DNAH9: variants seen among roughly 807,000 people sequenced by gnomAD.
The protein encoded by DNAH9 is DNAH9 variant protein.
A neutral mutation model predicts 471.6 loss-of-function variants in DNAH9; 345 were observed. The ratio of observed to expected loss-of-function variants is 0.73; its 90% CI spans 0.67 to 0.80. The LOEUF is 0.80. Ranked by LOEUF, DNAH9 falls within the 30% of genes least tolerant of loss-of-function variation. The probability of loss-of-function intolerance (pLI) is 0.00; values close to 1 mark genes in which losing one functional copy is unlikely to be tolerated. For synonymous variants in DNAH9, 2,093 were observed against 2,123.6 expected (o/e 0.99, Z 0.40); for missense variants, 5,407 against 5,609.2 (o/e 0.96, Z 1.15).
chr17:11,785,708 A>G (rs1036863598), intron 41 of DNAH9, among the ~76,000 whole-genome samples: 1 of 152,220 alleles, frequency 6.6e-6, no homozygotes, highest in African/African-American at 2.4e-5. Context: ...TTTAAAAATT[A>G]AAAACAAACA....
rs544888319 is a variant in DNAH9, at chr17:11,798,276, T to TA, written c.8420+490dup. ...TGAAACCCCATCTCTACTAAAAATA[T>TA]AAAAAAATTAGCCAGGCGTGGTGGC... is the stretch of plus-strand genomic sequence containing the variant. On this transcript the variant is annotated intron_variant, in intron 43 of 68. Coordinates refer to ENST00000262442, the MANE Select transcript of DNAH9 (RefSeq NM_001372.4). 1.2e-3 allele frequency among the ~76,000 whole-genome samples: 182 copies of TA among 150,856 alleles called. 1 individual carries two copies. The highest frequency in any genetic ancestry group is 4.3e-3 in the African/African-American group (175 of 41,124).
At chr17:11,818,593 G>A (rs1970194828) in intron 45 of DNAH9, among the ~76,000 whole-genome samples, 1 of 152,058 alleles carries the variant, frequency 6.6e-6, no homozygotes, top group Admixed American at 6.6e-5. Context: ...CATCATGTTG[G>A]TGGAAAACAA....
At chr17:11,855,717 A>G (rs1289020397) in intron 50 of DNAH9, among the ~76,000 whole-genome samples, 2 of 152,200 alleles carry the variant, frequency 1.3e-5, no homozygotes, top group Admixed American at 6.5e-5. Flanking sequence ...TTACTTTCAT[A>G]TGCTTGAACT....
At chr17:11,935,404 C>T (rs1974674724) in intron 65 of DNAH9, among the ~76,000 whole-genome samples, 1 of 147,156 alleles carries the variant, frequency 6.8e-6, no homozygotes, top group African/African-American at 2.5e-5. Flanking sequence ...AAGACGGAGT[C>T]TCACTCTGTC....
chr17:11,877,520 T>TTGAAGCTGG (rs1179100078), intron 53 of DNAH9, among the ~76,000 whole-genome samples: 1 of 148,418 alleles, frequency 6.7e-6, no homozygotes, highest in African/African-American at 2.5e-5. Context: ...GTGGCAGTAT[T>TTGAAGCTGG]TGAAGCTGGG....
chr17:11,724,752 A>G (rs1171011741), intron 27 of DNAH9, among the ~76,000 whole-genome samples: 2 of 152,220 alleles, frequency 1.3e-5, no homozygotes, highest in Non-Finnish European at 2.9e-5. Flanking sequence ...TTCATGGAAG[A>G]CTATTTTTCC....
chr17:11,728,081 G>A, intron 28 of DNAH9, 159 bp downstream of exon 28: 1 of 604,634 alleles, frequency 1.7e-6, no homozygotes, highest in Non-Finnish European at 3.0e-6. Context: ...CTCCAGGGAA[G>A]CTGTCCTCCA....
In DNAH9 at chr17:11,679,820, AG is replaced by A; in HGVS notation, c.3419del (p.Gly1140GlufsTer30). ...ESGLLKKVEK[G>X]DFQGLVEIMG... ...GCGGCTTACTCAAGAAAGTTGAAAA[AG>A]GAGATTTCCAAGGCTTGGTTGAGAT... On this transcript the variant is annotated frameshift_variant, in exon 18 of 69. Transcript: ENST00000262442. LOFTEE classifies it high-confidence loss of function. The A allele has an allele frequency of 6.2e-7, 1 of 1,614,164 alleles. No homozygotes were observed. The highest frequency in any genetic ancestry group is 8.5e-7 in the Non-Finnish European group (1 of 1,180,028).
chr17:11,914,798 A>G (rs565555856), intron 61 of DNAH9, among the ~76,000 whole-genome samples: 2 of 152,328 alleles, frequency 1.3e-5, no homozygotes, highest in South Asian at 2.1e-4. Flanking sequence ...CTGAAATTTC[A>G]TAAGCTGTGC....
chr17:11,881,442 C>T, intron 55 of DNAH9, 29 bp downstream of exon 55: 1 of 1,597,344 alleles, frequency 6.3e-7, no homozygotes, highest in Non-Finnish European at 8.5e-7. Context: ...AAATGTTCTG[C>T]CACTAGAGCC....
chr17:11,940,292 T>C (rs1974859554), intron 66 of DNAH9, among the ~76,000 whole-genome samples: 1 of 152,106 alleles, frequency 6.6e-6, no homozygotes, highest in South Asian at 2.1e-4. Context: ...GCCCTCTCCC[T>C]CCTCAGGCCC....
At chr17:11,913,254 G>C (rs377378351) in intron 61 of DNAH9, among the ~76,000 whole-genome samples, 2 of 152,098 alleles carry the variant, frequency 1.3e-5, no homozygotes, top group South Asian at 4.1e-4. Context: ...CTGGGCCTGA[G>C]TTTTTTTGAG....
intron 29 of DNAH9, among the ~76,000 whole-genome samples, chr17:11,740,327 G>A (rs922082284): frequency 2.6e-5 from 4 of 152,112 alleles, no homozygotes; most frequent in African/African-American, 9.7e-5. Flanking sequence ...ACTGCAGACT[G>A]GGCGGCCTAA....
chr17:11,965,444 T>G (rs1399549806), intron 68 of DNAH9, among the ~76,000 whole-genome samples: 3 of 152,184 alleles, frequency 2.0e-5, no homozygotes, highest in Non-Finnish European at 4.4e-5. Flanking sequence ...AATATAGACT[T>G]TACAGAATCA....
chr17:11,775,048 GACA>G (rs969496970), intron 38 of DNAH9, among the ~76,000 whole-genome samples: 19 of 152,228 alleles, frequency 1.2e-4, no homozygotes, highest in African/African-American at 4.1e-4. Context: ...CCCTGTTTCA[GACA>G]ACAACTGATC....
intron 50 of DNAH9, among the ~76,000 whole-genome samples, chr17:11,859,704 G>A (rs1971772108): frequency 6.6e-6 from 1 of 152,170 alleles, no homozygotes; most frequent in Non-Finnish European, 1.5e-5. Flanking sequence ...GAGCCAGAAT[G>A]TCATTTGGCA....
chr17:11,655,919 CACACATACATAT>C (rs1158616703), intron 14 of DNAH9, among the ~76,000 whole-genome samples: 1 of 152,028 alleles, frequency 6.6e-6, no homozygotes, highest in African/African-American at 2.4e-5. Flanking sequence ...CACATACACA[CACACATACATAT>C]ACATATCACA....
rs1312988393 is a variant in DNAH9 at position 11,921,222 on chromosome 17, G to GA, written c.11750-2584dup. Among the ~76,000 whole-genome samples the GA allele has an allele frequency of 2.4e-4, 35 of 146,196 alleles. 1 individual carries two copies. In the East Asian group the frequency reaches 5.4e-3, roughly 23 times the overall value. ...CATGCCACTGCATTCCAGCCTGGGT[G>GA]AAAAAAAAGAAAAAAAGGTGATTTT... On this transcript the variant is annotated intron_variant, in intron 61 of 68. Transcript: ENST00000262442.
At chr17:11,757,957 G>C (rs1020966331) in intron 35 of DNAH9, among the ~76,000 whole-genome samples, 3 of 152,184 alleles carry the variant, frequency 2.0e-5, no homozygotes, top group Non-Finnish European at 4.4e-5. Context: ...GTATGTGAAG[G>C]AGGCTGCGGG....
Sources: gnomAD v4.1 joint callset for allele counts (sites outside exome capture counted in the v4.1 genomes callset) on GRCh38, gnomAD v4.1.1 for gene constraint, MANE v1.5 for transcripts, NCBI Gene and HGNC (gene_info 2026-07-23, HGNC 2026-07-21) for gene names.